The following STS variants were observed in gnomAD, a reference collection of about 807,000 sequenced individuals.
STS encodes the protein steroid sulfatase.
Under a neutral mutation model 26.8 loss-of-function variants are expected in STS, and 7 were observed. The ratio of observed to expected loss-of-function variants is 0.26; its 90% CI spans 0.15 to 0.49. STS has a LOEUF of 0.49. Ranked by LOEUF, STS falls within the 20% of genes least tolerant of loss-of-function variation. The pLI, the probability that STS is intolerant of heterozygous loss-of-function variation, is 0.98. For missense variants in STS, 434 were observed against 465.6 expected, an observed-to-expected ratio of 0.93 and a Z score of 0.63; for synonymous variants, 199 against 189.4, an observed-to-expected ratio of 1.05 and a Z score of -0.42.
At chrX:7,290,085 G>A (rs1925338305) in intron 7 of STS, among the ~76,000 whole-genome samples, 1 of 111,971 alleles carries the variant, frequency 8.9e-6, no homozygotes. Context: ...AGAAAAGAGG[G>A]AAGAGAAATA....
At chrX:7,279,908 G>A (rs747049397) in intron 7 of STS, among the ~76,000 whole-genome samples, 56 of 111,466 alleles carry the variant, frequency 5.0e-4, no homozygotes, top group African/African-American at 9.8e-4. Flanking sequence ...CTCATCATTC[G>A]CATTCCACAG....
intron 7 of STS, among the ~76,000 whole-genome samples, chrX:7,296,923 C>T (rs1489335808): frequency 8.9e-6 from 1 of 111,806 alleles, no homozygotes; most frequent in African/African-American, 3.3e-5. Context: ...TACCAGGGGA[C>T]AATATGAACT....
intron 2 of STS, among the ~76,000 whole-genome samples, chrX:7,205,447 G>C (rs938309667): frequency 9.0e-6 from 1 of 111,541 alleles, no homozygotes; most frequent in Non-Finnish European, 1.9e-5. Context: ...CTAGCAGCTT[G>C]CTTGGGAGCA....
chrX:7,155,590 T>C (rs1186826569), intron 1 of STS, among the ~76,000 whole-genome samples: 1 of 112,107 alleles, frequency 8.9e-6, no homozygotes, highest in African/African-American at 3.2e-5. Context: ...GAAATGCCTT[T>C]ATATATAACT....
rs150607394 is a variant in STS at position 7,332,954 on chromosome X, G to A, written c.1242-1032G>A. 4.2e-3 allele frequency among the ~76,000 whole-genome samples: 465 copies of A among 111,837 alleles called. 3 individuals carry two copies. Among genetic ancestry groups the A allele is most frequent in the African/African-American group, 0.014 (440 of 30,723 alleles). ...ATGATTAATAACAAGGGTTGAGACCGGAGAAGTGCTAACAACAAGGCTATA... is the reference window on the plus strand; with the variant it reads ...ATGATTAATAACAAGGGTTGAGACCAGAGAAGTGCTAACAACAAGGCTATA... On this transcript the variant is annotated intron_variant, in intron 9 of 10. Transcript: ENST00000674429.
chrX:7,167,932 G>T (rs1387965723), intron 1 of STS, among the ~76,000 whole-genome samples: 1 of 109,429 alleles, frequency 9.1e-6, no homozygotes, highest in African/African-American at 3.3e-5. Flanking sequence ...GGCCTGAAGT[G>T]ATCCTCTCAT....
intron 7 of STS, among the ~76,000 whole-genome samples, chrX:7,288,639 CGTGTGTGTGTGTGTGTGTGTGTGT>C (rs58375124): frequency 1.1e-5 from 1 of 89,560 alleles, no homozygotes; most frequent in East Asian, 3.6e-4. Flanking sequence ...AAATTCTGTA[CGTGTGTGTGTGTGTGTGTGTGTGT>C]GTGTGTGTGT....
chrX:7,155,651 A>AT (rs1283028545), intron 1 of STS, among the ~76,000 whole-genome samples: 1 of 112,040 alleles, frequency 8.9e-6, no homozygotes, highest in Non-Finnish European at 1.9e-5. Flanking sequence ...TAAATATTAT[A>AT]TTACAAACAA....
chrX:7,270,706 G>C (rs1292966329), intron 6 of STS, among the ~76,000 whole-genome samples: 1 of 111,631 alleles, frequency 9.0e-6, no homozygotes, highest in Non-Finnish European at 1.9e-5. Flanking sequence ...CCATAAATAT[G>C]TGAATTTTGA....
chrX:7,158,035 C>T (rs1408964913), intron 1 of STS, among the ~76,000 whole-genome samples: 1 of 111,854 alleles, frequency 8.9e-6, no homozygotes, highest in Non-Finnish European at 1.9e-5. Context: ...GCATTATAGC[C>T]CTGCCTCCTC....
intron 5 of STS, among the ~76,000 whole-genome samples, chrX:7,258,901 G>GAAA (rs1460757020): frequency 3.9e-5 from 3 of 77,427 alleles, no homozygotes; most frequent in South Asian, 5.1e-4. Context: ...ATCTGACCAG[G>GAAA]AAAAAGAAAA....
intron 8 of STS, among the ~76,000 whole-genome samples, chrX:7,308,131 C>T (rs1411095233): frequency 8.9e-6 from 1 of 111,891 alleles, no homozygotes; most frequent in Non-Finnish European, 1.9e-5. Flanking sequence ...GTGTTTCAGT[C>T]TTATTTTCAC....
At chrX:7,241,161 A>G (rs1270430369) in intron 2 of STS, among the ~76,000 whole-genome samples, 3 of 111,857 alleles carry the variant, frequency 2.7e-5, no homozygotes, top group Non-Finnish European at 5.6e-5. Context: ...AAAAACAAAG[A>G]ACATGGAGAG....
intron 1 of STS, among the ~76,000 whole-genome samples, chrX:7,180,316 C>G (rs1462357164): frequency 1.8e-5 from 2 of 111,826 alleles, no homozygotes; most frequent in African/African-American, 3.3e-5. Flanking sequence ...ATTAGATTCT[C>G]AAAAGGAGCA....
intron 3 of STS, among the ~76,000 whole-genome samples, chrX:7,254,014 C>G (rs1288983743): frequency 8.9e-6 from 1 of 111,970 alleles, no homozygotes; most frequent in Non-Finnish European, 1.9e-5. Flanking sequence ...GGAGGGAGCT[C>G]TCTGGGTCCC....
chrX:7,276,880 G>A (rs1352792740), intron 7 of STS, among the ~76,000 whole-genome samples: 1 of 112,156 alleles, frequency 8.9e-6, no homozygotes, highest in Non-Finnish European at 1.9e-5. Flanking sequence ...CTTCCTTACT[G>A]AAGCTTTGTT....
At chrX:7,191,280 G>A (rs140384496) in intron 2 of STS, among the ~76,000 whole-genome samples, 10 of 112,165 alleles carry the variant, frequency 8.9e-5, no homozygotes, top group African/African-American at 1.6e-4. Flanking sequence ...TGGGGGCAGC[G>A]TGCATAATCT....
At chrX:7,213,854 G>A (rs1195783397) in intron 2 of STS, among the ~76,000 whole-genome samples, 8 of 110,984 alleles carry the variant, frequency 7.2e-5, no homozygotes, top group Non-Finnish European at 1.9e-5. Flanking sequence ...GGTCAGGGAA[G>A]GAGGATCACT....
At chrX:7,317,717 C>T (rs1288659598) in intron 8 of STS, among the ~76,000 whole-genome samples, 1 of 111,525 alleles carries the variant, frequency 9.0e-6, no homozygotes, top group Non-Finnish European at 1.9e-5. Context: ...GATCCTCCTA[C>T]CTCAGTCTCC....
Sources: allele counts gnomAD v4.1 joint callset (sites outside exome capture counted in the v4.1 genomes callset), GRCh38; gene constraint gnomAD v4.1.1; transcripts MANE v1.5; gene names NCBI Gene and HGNC (gene_info 2026-07-23, HGNC 2026-07-21).